The following ITPKB variants were observed in gnomAD, a reference collection of about 807,000 sequenced individuals.
The protein encoded by ITPKB is inositol-trisphosphate 3-kinase B.
In ITPKB, 13 loss-of-function variants were observed where a neutral mutation model predicts 69.4. The observed-to-expected ratio is 0.19, with a 90% confidence interval of 0.12 to 0.30. The LOEUF (loss-of-function observed/expected upper bound fraction) is 0.30. Ranked by LOEUF, ITPKB falls within the 10% of genes least tolerant of loss-of-function variation. The probability of loss-of-function intolerance (pLI) is 1.00; values close to 1 mark genes in which losing one functional copy is unlikely to be tolerated. For synonymous variants in ITPKB, 584 were observed against 513.7 expected (o/e 1.14, Z -1.85); for missense variants, 1,240 against 1,250.5 (o/e 0.99, Z 0.13).
Position 226,690,808 on chromosome 1 carries a change from G to A in ITPKB, c.1933-42037C>T, listed in dbSNP as rs988834080. Among the ~76,000 whole-genome samples, 55 of 152,328 alleles carry A rather than the reference G, an allele frequency of 3.6e-4. 1 individual carries two copies. Among genetic ancestry groups the A allele is most frequent in the Middle Eastern group, 3.4e-3 (1 of 294 alleles). On this transcript the variant is annotated intron_variant, in intron 2 of 7. Coordinates refer to ENST00000429204, the MANE Select transcript of ITPKB (RefSeq NM_002221.4). Reference sequence around the variant, plus strand: ...TTCCTGCAATAGCCAAAAGGTGGAAGCAAGCCAAGTGCCATCGGCAGATGA... The same window carrying A: ...TTCCTGCAATAGCCAAAAGGTGGAAACAAGCCAAGTGCCATCGGCAGATGA...
chr1:226,651,605 T>C (rs1177241695), intron 2 of ITPKB, among the ~76,000 whole-genome samples: 1 of 152,142 alleles, frequency 6.6e-6, no homozygotes, highest in African/African-American at 2.4e-5. Flanking sequence ...GCCCATCCTG[T>C]TGGGGTGCAG....
intron 2 of ITPKB, among the ~76,000 whole-genome samples, chr1:226,712,083 G>T (rs185808398): frequency 1.8e-3 from 279 of 152,296 alleles, no homozygotes; most frequent in Middle Eastern, 3.4e-3. Context: ...CGCGAGGGTG[G>T]AAACTTAGCA....
chr1:226,736,578 C>T lies in ITPKB; in HGVS notation c.881G>A (p.Gly294Glu), dbSNP rs145342884. The change falls in exon 2 of 8, where the codon GGG becomes GAG. Residue 294 changes from glycine (G) to glutamate (E), a missense_variant. By Grantham distance (98) the Gly-to-Glu change is moderately conservative. Coordinates refer to ENST00000429204, the MANE Select transcript of ITPKB (RefSeq NM_002221.4). The stretch of plus-strand genomic sequence containing the variant: ...CATCGTTAAGCTAGCTCCGAACAGC[C>T]CCAATGAGGGAGCTAGGCAGCTCCG... Reference protein sequence around the residue: ...GTRSCLAPSLGLFGASLTMAT... With the variant: ...GTRSCLAPSLELFGASLTMAT... 6.2e-7 allele frequency: 1 copy of T among 1,613,832 alleles called. No individual in the cohort carries two copies. Among genetic ancestry groups the T allele is most frequent in the African/African-American group, 1.3e-5 (1 of 74,942 alleles).
chr1:226,736,741 G>C lies in ITPKB; in HGVS notation c.718C>G (p.Arg240Gly). The part of the protein sequence containing the change: ...VKKGMPPLPG[R>G]AAPTGSEAQG... ...GCCTCTGATCCTGTAGGGGCAGCCC[G>C]GCCGGGAAGAGGTGGCATTCCTTTC... Residue 240 changes from arginine (R) to glycine (G), a missense_variant, in exon 2 of 8, where the codon CGG becomes GGG. Transcript: ENST00000429204. The C allele has an allele frequency of 6.2e-7, 1 of 1,612,798 alleles. No homozygotes were observed. Among genetic ancestry groups the C allele is most frequent in the Non-Finnish European group, 8.5e-7 (1 of 1,179,790 alleles).
intron 2 of ITPKB, among the ~76,000 whole-genome samples, chr1:226,649,442 CGT>C (rs34793811): frequency 0.2 from 26,650 of 135,814 alleles, 2,348 homozygotes; most frequent in Middle Eastern, 0.32. Context: ...CGTATGTGTG[CGT>C]GTGTGTGCAT....
chr1:226,673,894 C>G (rs1336578276), intron 2 of ITPKB, among the ~76,000 whole-genome samples: 20 of 152,196 alleles, frequency 1.3e-4, no homozygotes, highest in Admixed American at 1.2e-3. Context: ...GCTCAGAGAC[C>G]TGCTCTGTTA....
At chr1:226,645,063 C>T (rs1389913752) in intron 4 of ITPKB, among the ~76,000 whole-genome samples, 2 of 152,164 alleles carry the variant, frequency 1.3e-5, no homozygotes, top group African/African-American at 4.8e-5. Flanking sequence ...CTGGGTGGCC[C>T]TGATGAGTCA....
intron 2 of ITPKB, among the ~76,000 whole-genome samples, chr1:226,706,294 C>A (rs1426060359): frequency 6.6e-6 from 1 of 152,200 alleles, no homozygotes; most frequent in African/African-American, 2.4e-5. Context: ...GATAGTGAAA[C>A]CCATTGGGCT....
intron 2 of ITPKB, among the ~76,000 whole-genome samples, chr1:226,708,124 C>A (rs1471699891): frequency 1.3e-5 from 2 of 152,154 alleles, no homozygotes; most frequent in African/African-American, 4.8e-5. Context: ...AAAACTAGTA[C>A]AATCAGATTG....
intron 2 of ITPKB, among the ~76,000 whole-genome samples, chr1:226,725,208 T>C (rs923604146): frequency 1.3e-5 from 2 of 152,248 alleles, no homozygotes; most frequent in African/African-American, 4.8e-5. Context: ...AACTTTGTCT[T>C]AGAAGGCAGA....
At chr1:226,733,423 A>G (rs1657652067) in intron 2 of ITPKB, among the ~76,000 whole-genome samples, 1 of 152,156 alleles carries the variant, frequency 6.6e-6, no homozygotes, top group South Asian at 2.1e-4. Flanking sequence ...TTTTGACCCA[A>G]TGAGCTGATG....
chr1:226,705,327 C>T lies in ITPKB; in HGVS notation c.1932+30200G>A, dbSNP rs538736776. ...GGCAGGTCACCTGAGGTCGGGAGTT[C>T]GAGACCAGCCTGACCAACATGGAGA... is the stretch of plus-strand genomic sequence containing the variant. On this transcript the variant is annotated intron_variant, in intron 2 of 7. Transcript: ENST00000429204. Among the ~76,000 whole-genome samples the T allele has an allele frequency of 3.5e-5, 5 of 142,754 alleles. No individual in the cohort carries two copies. In the South Asian group the frequency reaches 9.8e-4, roughly 28 times the overall value. 93.7% of individuals were successfully genotyped at this position (142,754 alleles called of 152,430 possible).
chr1:226,675,625 C>T (rs549530396), intron 2 of ITPKB, among the ~76,000 whole-genome samples: 1 of 152,296 alleles, frequency 6.6e-6, no homozygotes, highest in Non-Finnish European at 1.5e-5. Flanking sequence ...AGTGGTGGAA[C>T]TTTGGGCAAA....
chr1:226,672,840 T>C (rs1291747519), intron 2 of ITPKB, among the ~76,000 whole-genome samples: 1 of 152,188 alleles, frequency 6.6e-6, no homozygotes, highest in Non-Finnish European at 1.5e-5. Flanking sequence ...GCCATCTCAC[T>C]ATTTCAGGCT....
At chr1:226,670,865 T>C (rs1669601950) in intron 2 of ITPKB, among the ~76,000 whole-genome samples, 1 of 152,248 alleles carries the variant, frequency 6.6e-6, no homozygotes, top group African/African-American at 2.4e-5. Context: ...TGTTTCATCA[T>C]TATGATCGTA....
intron 2 of ITPKB, among the ~76,000 whole-genome samples, chr1:226,702,716 T>C (rs1026810630): frequency 1.8e-4 from 28 of 152,230 alleles, no homozygotes; most frequent in African/African-American, 6.5e-4. Context: ...CTTCCCATTT[T>C]GTCAGTCTAG....
chr1:226,708,765 G>A (rs1315020608), intron 2 of ITPKB, among the ~76,000 whole-genome samples: 1 of 152,214 alleles, frequency 6.6e-6, no homozygotes, highest in Non-Finnish European at 1.5e-5. Context: ...TACTGATCAA[G>A]GTGAAAGAAT....
intron 2 of ITPKB, among the ~76,000 whole-genome samples, chr1:226,714,244 T>C (rs534292204): frequency 1.1e-4 from 17 of 152,366 alleles, no homozygotes; most frequent in Non-Finnish European, 4.4e-5. Context: ...TTGTCTGGAA[T>C]GTAGCTTTAC....
chr1:226,643,799 GTGCGCACATACACACACATGTGCTCA>G (rs1458154658), intron 4 of ITPKB, among the ~76,000 whole-genome samples: 1 of 150,948 alleles, frequency 6.6e-6, no homozygotes, highest in African/African-American at 2.4e-5. Context: ...ACACAACCAT[GTGCGCACATACACACACATGTGCTCA>G]TGCACACACA....
Sources: allele counts gnomAD v4.1 joint callset (sites outside exome capture counted in the v4.1 genomes callset), GRCh38; gene constraint gnomAD v4.1.1; transcripts MANE v1.5; gene names NCBI Gene and HGNC (gene_info 2026-07-23, HGNC 2026-07-21).